The following RIMS4 variants were observed in gnomAD, a reference collection of about 807,000 sequenced individuals.
RIMS4 encodes regulating synaptic membrane exocytosis 4, also known as regulating synaptic membrane exocytosis protein 4.
RIMS4 carries 9 observed loss-of-function variants against 29.0 expected under a neutral mutation model. The observed-to-expected ratio is 0.31, with a 90% CI of 0.19 to 0.54. The LOEUF (loss-of-function observed/expected upper bound fraction) is 0.54. RIMS4 is among the 20% of genes least tolerant of loss of function. RIMS4 has a pLI of 0.94. For missense variants in RIMS4, 193 were observed against 365.7 expected, an observed-to-expected ratio of 0.53 and a Z score of 3.85; for synonymous variants, 130 against 152.9, an observed-to-expected ratio of 0.85 and a Z score of 1.10.
At chr20:44,763,285 G>A (rs1338822267) in intron 2 of RIMS4, among the ~76,000 whole-genome samples, 1 of 152,184 alleles carries the variant, frequency 6.6e-6, no homozygotes, top group Non-Finnish European at 1.5e-5. Flanking sequence ...TAGAAAATGG[G>A]AATAAATAGT....
Position 44,780,302 on chromosome 20 carries a change from T to C in RIMS4, c.98-8889A>G, listed in dbSNP as rs556844993. 1.4e-3 allele frequency among the ~76,000 whole-genome samples: 210 copies of C among 152,336 alleles called. 7 individuals are homozygous for C. The highest frequency in any genetic ancestry group is 7.7e-4 in the East Asian group (4 of 5,194). The stretch of plus-strand genomic sequence containing the variant: ...GTTGTGACTTGCAACTGAAGGCCTC[T>C]AAAATGCGATTAAGTCCACAGCAAA... On this transcript the variant is annotated intron_variant, in intron 1 of 5. Coordinates refer to ENST00000372851, the MANE Select transcript of RIMS4 (RefSeq NM_182970.4).
At chr20:44,771,075 A>T (rs1046100600) in intron 2 of RIMS4, among the ~76,000 whole-genome samples, 200 bp downstream of exon 2, 3 of 152,236 alleles carry the variant, frequency 2.0e-5, no homozygotes, top group African/African-American at 7.2e-5. Flanking sequence ...ATTCAAATCC[A>T]AGCAGCGGGG....
chr20:44,763,196 C>T (rs769352041), intron 2 of RIMS4, among the ~76,000 whole-genome samples: 2 of 152,306 alleles, frequency 1.3e-5, no homozygotes, highest in Admixed American at 6.5e-5. Context: ...CTGGATTTGG[C>T]ATAACGCAGA....
Position 44,810,268 on chromosome 20 carries a change from C to G in RIMS4, c.4G>C (p.Glu2Gln), listed in dbSNP as rs759232507. ...AGACTGAGGCGGCTCTGCGAGCGCT[C>G]CATGCCCGCGCCGGCGCCGGGCGCC... M[E>Q]RSQSRLSLSA... is the part of the protein sequence containing the mutation. Residue 2 changes from glutamate (E) to glutamine (Q), a missense_variant, in exon 1 of 6, where the codon GAG (glutamate) becomes CAG (glutamine). Transcript: ENST00000372851. 19 of 1,233,306 alleles carry G rather than the reference C, an allele frequency of 1.5e-5. No homozygotes were observed. The highest frequency in any genetic ancestry group is 1.8e-5 in the Non-Finnish European group (17 of 967,020). 76.4% of individuals were successfully genotyped at this position (1,233,306 alleles called of 1,614,324 possible). A position where few individuals can be genotyped will look rare whatever the true frequency, so the allele number is the denominator to read the frequency against.
At chr20:44,757,098 T>G (rs1601016279) in intron 4 of RIMS4, 61 bp from the exon 5 acceptor site, 2 of 1,568,264 alleles carry the variant, frequency 1.3e-6, no homozygotes, top group South Asian at 2.3e-5. Flanking sequence ...GGGCAAAGGG[T>G]GCAACAGAGG....
chr20:44,789,923 T>C (rs1273352996), intron 1 of RIMS4, among the ~76,000 whole-genome samples: 1 of 152,222 alleles, frequency 6.6e-6, no homozygotes, highest in Non-Finnish European at 1.5e-5. Context: ...GAGCTGCCTG[T>C]CAACAGAATG....
At chr20:44,796,132 C>A (rs2066253979) in intron 1 of RIMS4, among the ~76,000 whole-genome samples, 3 of 151,824 alleles carry the variant, frequency 2.0e-5, no homozygotes, top group South Asian at 2.1e-4. Flanking sequence ...GCTACTCACA[C>A]CTCAGGTCTC....
intron 1 of RIMS4, among the ~76,000 whole-genome samples, chr20:44,779,896 G>GCTC (rs2066176386): frequency 6.6e-6 from 1 of 152,182 alleles, no homozygotes; most frequent in African/African-American, 2.4e-5. Flanking sequence ...AAGAAGTGAG[G>GCTC]CTAAAGATTG....
intron 1 of RIMS4, among the ~76,000 whole-genome samples, chr20:44,787,242 G>A (rs1294309419): frequency 6.6e-6 from 1 of 152,044 alleles, no homozygotes; most frequent in South Asian, 2.1e-4. Flanking sequence ...CAGGAGGAGA[G>A]GGCAGACTGA....
At chr20:44,757,907 C>A in intron 3 of RIMS4, 136 bp from the exon 4 acceptor site, 1 of 960,922 alleles carries the variant, frequency 1.0e-6, no homozygotes. Context: ...CCAACTCCCA[C>A]CAAGTGCCTA....
chr20:44,796,770 T>A (rs2066256923), intron 1 of RIMS4, among the ~76,000 whole-genome samples: 2 of 152,172 alleles, frequency 1.3e-5, no homozygotes, highest in South Asian at 4.1e-4. Context: ...AACAAGACTG[T>A]CAAATATGAA....
At chr20:44,797,507 T>C (rs1349268847) in intron 1 of RIMS4, among the ~76,000 whole-genome samples, 1 of 152,208 alleles carries the variant, frequency 6.6e-6, no homozygotes, top group East Asian at 1.9e-4. Context: ...CTGCCTCACT[T>C]TCTCACTCCC....
At chr20:44,790,673 C>A (rs2066229005) in intron 1 of RIMS4, among the ~76,000 whole-genome samples, 1 of 152,228 alleles carries the variant, frequency 6.6e-6, no homozygotes, top group African/African-American at 2.4e-5. Flanking sequence ...ACTTGCTCTG[C>A]TCCATGAAGG....
At chr20:44,801,731 G>A (rs2066278151) in intron 1 of RIMS4, among the ~76,000 whole-genome samples, 1 of 151,992 alleles carries the variant, frequency 6.6e-6, no homozygotes, top group Non-Finnish European at 1.5e-5. Flanking sequence ...GCTTTATGAG[G>A]GCCTACGTGT....
At chr20:44,770,698 C>T (rs988096184) in intron 2 of RIMS4, among the ~76,000 whole-genome samples, 1 of 152,080 alleles carries the variant, frequency 6.6e-6, no homozygotes, top group Non-Finnish European at 1.5e-5. Context: ...GAAACGCTGG[C>T]AAGGAGCCAG....
chr20:44,810,085 T>TGGGGAGGAGGGCGCACGGGTC, intron 1 of RIMS4, 90 bp downstream of exon 1: 1 of 356,950 alleles, frequency 2.8e-6, no homozygotes, highest in Admixed American at 4.6e-5. Context: ...GGATTGGGGG[T>TGGGGAGGAGGGCGCACGGGTC]GGGGAGGAGG....
intron 1 of RIMS4, among the ~76,000 whole-genome samples, chr20:44,805,820 G>T (rs891215474): frequency 2.6e-5 from 4 of 151,182 alleles, no homozygotes; most frequent in African/African-American, 9.7e-5. Flanking sequence ...GTGCCTGGGG[G>T]TGTGGAGAGA....
At chr20:44,792,643 G>C (rs1241503578) in intron 1 of RIMS4, among the ~76,000 whole-genome samples, 2 of 152,120 alleles carry the variant, frequency 1.3e-5, no homozygotes, top group Non-Finnish European at 2.9e-5. Flanking sequence ...TCCTTTCTGA[G>C]CTTTAGTTTC....
rs1403000967 is a variant in RIMS4, at chr20:44,810,525, C to CGGCGGCGGCGGCGGCGGCGGCGGT, written c.-255_-254insACCGCCGCCGCCGCCGCCGCCGCC. Among the ~76,000 whole-genome samples, 1 of 144,816 alleles carries CGGCGGCGGCGGCGGCGGCGGCGGT rather than the reference C, an allele frequency of 6.9e-6. No individual in the cohort carries two copies. The highest frequency in any genetic ancestry group is 1.5e-5 in the Non-Finnish European group (1 of 65,462). On this transcript the variant is annotated 5_prime_UTR_variant, in exon 1 of 6. Transcript: ENST00000372851. ...GCGGCGGCGGCGGCGGTGGCGGCGG[C>CGGCGGCGGCGGCGGCGGCGGCGGT]GGTGGCGGCGCAGCGCGCTCTGGTC... is the stretch of plus-strand genomic sequence containing the variant.
Sources: gnomAD v4.1 joint callset for allele counts (sites outside exome capture counted in the v4.1 genomes callset) on GRCh38, gnomAD v4.1.1 for gene constraint, MANE v1.5 for transcripts, NCBI Gene and HGNC (gene_info 2026-07-23, HGNC 2026-07-21) for gene names.